Variants in LRBA observed in about 807,000 individuals in gnomAD.
The protein encoded by LRBA is lipopolysaccharide-responsive and beige-like anchor protein.
LRBA carries 176 observed loss-of-function variants against 330.0 expected under a neutral mutation model. The ratio of observed to expected loss-of-function variants is 0.53; its 90% CI spans 0.47 to 0.60. LRBA has a LOEUF of 0.60. LRBA is among the 20% of genes least tolerant of loss of function. LRBA has a pLI of 0.00. For synonymous variants in LRBA, 1,230 were observed against 1,193.0 expected, an observed-to-expected ratio of 1.03 and a Z score of -0.64; for missense variants, 3,259 against 3,444.8, an observed-to-expected ratio of 0.95 and a Z score of 1.35.
At chr4:150,921,102 T>G (rs1433291204) in intron 5 of LRBA, 96 bp downstream of exon 5, 1 of 742,318 alleles carries the variant, frequency 1.3e-6, no homozygotes, top group East Asian at 2.5e-5. Flanking sequence ...AGTTTCTACC[T>G]AGCACAGAAC....
intron 33 of LRBA, among the ~76,000 whole-genome samples, chr4:150,798,812 G>C (rs1487583279): frequency 1.3e-5 from 2 of 151,998 alleles, no homozygotes; most frequent in South Asian, 2.1e-4. Flanking sequence ...ATATAAAGTA[G>C]TTCATTAGTA....
intron 47 of LRBA, 26 bp from the exon 48 acceptor site, chr4:150,350,185 C>T (rs763566204): frequency 6.8e-7 from 1 of 1,479,230 alleles, no homozygotes; most frequent in Admixed American, 2.4e-5. Flanking sequence ...CATTGTATTA[C>T]TATGCTGAAT....
rs567616069 is a variant in LRBA, at chr4:150,893,735, G to T, written c.2068-586C>A. Among the ~76,000 whole-genome samples the T allele has an allele frequency of 6.6e-5, 10 of 152,094 alleles. No homozygotes were observed. In the South Asian group the frequency reaches 2.1e-3, roughly 32 times the overall value. ...GTGTCGCCCAGGCTGGAGTTCAGTG[G>T]CACAATCTCGGCTCACTGCAAGCTC... On this transcript the variant is annotated intron_variant, in intron 16 of 56. Transcript: ENST00000651943.
At chr4:150,893,215 C>A in intron 16 of LRBA, 66 bp from the exon 17 acceptor site, 1 of 779,120 alleles carries the variant, frequency 1.3e-6, no homozygotes, top group Non-Finnish European at 2.1e-6. Context: ...ATAATGAATA[C>A]TTCTGAAATA....
intron 34 of LRBA, among the ~76,000 whole-genome samples, chr4:150,794,625 T>C (rs1397081264): frequency 6.6e-6 from 1 of 152,084 alleles, no homozygotes; most frequent in East Asian, 1.9e-4. Flanking sequence ...CCAAACCTTA[T>C]ATCATTACCT....
At chr4:150,283,930 G>A (rs563751399) in intron 54 of LRBA, among the ~76,000 whole-genome samples, 1 of 152,180 alleles carries the variant, frequency 6.6e-6, no homozygotes, top group African/African-American at 2.4e-5. Flanking sequence ...AAACTGTGCA[G>A]CTGTGTTGCT....
intron 36 of LRBA, among the ~76,000 whole-genome samples, chr4:150,711,618 G>A (rs1466285405): frequency 6.6e-6 from 1 of 152,102 alleles, no homozygotes; most frequent in African/African-American, 2.4e-5. Flanking sequence ...AAAGCAAAGT[G>A]CCAAGTTTAT....
chr4:150,789,496 AAAT>A (rs1412615171), intron 34 of LRBA, among the ~76,000 whole-genome samples: 1 of 152,210 alleles, frequency 6.6e-6, no homozygotes, highest in African/African-American at 2.4e-5. Context: ...GTAAATTACT[AAAT>A]AATAATTTTA....
At chr4:150,568,540 G>C (rs1260038283) in intron 40 of LRBA, among the ~76,000 whole-genome samples, 1 of 152,048 alleles carries the variant, frequency 6.6e-6, no homozygotes, top group African/African-American at 2.4e-5. Context: ...ATTAAGATGA[G>C]GACTATACCT....
chr4:150,852,849 G>C lies in LRBA; in HGVS notation c.2861C>G (p.Ser954Ter). The change falls in exon 23 of 57, where the codon TCA becomes TGA. Residue 954 changes from serine to a stop codon, truncating the protein, a stop_gained. Transcript: ENST00000651943. LOFTEE classifies it high-confidence loss of function. ...DEEIGLCSST[S>*]VQAASGIRRD... ...TCTAATGCCAGAGGCTGCTTGAACT[G>C]AAGTTGAAGAACACAGCCCTATTTC... 1 of 1,613,488 alleles carries C rather than the reference G, an allele frequency of 6.2e-7. No individual in the cohort carries two copies. The highest frequency in any genetic ancestry group is 8.5e-7 in the Non-Finnish European group (1 of 1,179,538).
In LRBA at chr4:150,693,563, C is replaced by CAAAAAAAAA. The variant is rs70941428; in HGVS notation, c.5755-9855_5755-9847dup. 3.8e-3 allele frequency among the ~76,000 whole-genome samples: 198 copies of CAAAAAAAAA among 52,694 alleles called. 9 individuals are homozygous for CAAAAAAAAA. The highest frequency in any genetic ancestry group is 5.5e-3 in the Non-Finnish European group (154 of 28,226). The allele number at this position is 52,694 out of a possible 152,430, so 34.6% of individuals were successfully genotyped here. ...TGGGTGACAGAGCGAGACTCCGTCTCAAAAAAAAAAAAAAAAAAAAAAATT... is the reference window on the plus strand; with the variant it reads ...TGGGTGACAGAGCGAGACTCCGTCTCAAAAAAAAAAAAAAAAAAAAAAAAAAAAAAAATT... On this transcript the variant is annotated intron_variant, in intron 36 of 56. Coordinates refer to ENST00000651943, the MANE Select transcript of LRBA (RefSeq NM_001364905.1).
chr4:150,551,797 C>A (rs886936953), intron 40 of LRBA, among the ~76,000 whole-genome samples: 10 of 152,126 alleles, frequency 6.6e-5, no homozygotes, highest in African/African-American at 2.2e-4. Context: ...ATAGAAAAGT[C>A]TATTAAAATA....
At chr4:150,330,177 G>A (rs915683509) in intron 48 of LRBA, among the ~76,000 whole-genome samples, 3 of 151,934 alleles carry the variant, frequency 2.0e-5, no homozygotes, top group Admixed American at 2.0e-4. Flanking sequence ...TTCCTTTTCA[G>A]TCAAGCTGGT....
At chr4:150,697,341 A>AAAAAAAAC (rs1784734753) in intron 36 of LRBA, among the ~76,000 whole-genome samples, 1 of 148,160 alleles carries the variant, frequency 6.7e-6, no homozygotes, top group Non-Finnish European at 1.5e-5. Context: ...AAAAAAAAAA[A>AAAAAAAAC]AAAAAAAAAA....
chr4:150,958,485 G>A (rs2149560198), intron 2 of LRBA, among the ~76,000 whole-genome samples: 1 of 149,366 alleles, frequency 6.7e-6, no homozygotes, highest in Non-Finnish European at 1.5e-5. Flanking sequence ...GGGCTTCTGT[G>A]AAGACCTCTG....
intron 28 of LRBA, among the ~76,000 whole-genome samples, chr4:150,833,480 A>G (rs542385294): frequency 1.2e-4 from 18 of 152,296 alleles, no homozygotes; most frequent in African/African-American, 3.9e-4. Flanking sequence ...ACTGCAATAA[A>G]GTGGCTATCA....
In LRBA at chr4:150,942,287, T is replaced by C. The variant is rs1158298385; in HGVS notation, c.217-13222A>G. Among the ~76,000 whole-genome samples, 4 of 152,310 alleles carry C rather than the reference T, an allele frequency of 2.6e-5. No individual in the cohort carries two copies. The South Asian group carries it at 6.2e-4, about 24-fold the overall frequency. ...CTAAGATCATAATTGTAAAAAACTA[T>C]GTCCATGTCCCAGGAATCACAGAAC... On this transcript the variant is annotated intron_variant, in intron 2 of 56. Transcript: ENST00000651943.
intron 47 of LRBA, among the ~76,000 whole-genome samples, chr4:150,383,144 T>C (rs560559986): frequency 1.3e-5 from 2 of 152,346 alleles, no homozygotes; most frequent in South Asian, 2.1e-4. Flanking sequence ...AGAAATCTGA[T>C]AGTAGTGCTC....
intron 44 of LRBA, among the ~76,000 whole-genome samples, chr4:150,454,215 TC>T (rs760647987): frequency 2.5e-4 from 38 of 152,270 alleles, no homozygotes; most frequent in Admixed American, 7.2e-4. Flanking sequence ...CGCCTTGGCC[TC>T]CCAAAGTGCT....
Sources: allele counts gnomAD v4.1 joint callset (sites outside exome capture counted in the v4.1 genomes callset), GRCh38; gene constraint gnomAD v4.1.1; transcripts MANE v1.5; gene names NCBI Gene and HGNC (gene_info 2026-07-23, HGNC 2026-07-21).